The following SYDE1 variants were observed in gnomAD, a reference collection of about 807,000 sequenced individuals.
SYDE1 encodes the protein rho GTPase-activating protein SYDE1.
In SYDE1, 34 loss-of-function variants were observed where a neutral mutation model predicts 63.3. The ratio of observed to expected loss-of-function variants is 0.54; its 90% CI spans 0.41 to 0.71. SYDE1 has a LOEUF of 0.71. Ranked by LOEUF, SYDE1 falls within the 30% of genes least tolerant of loss-of-function variation. The pLI, the probability that SYDE1 is intolerant of heterozygous loss-of-function variation, is 0.00. For synonymous variants in SYDE1, 467 were observed against 473.4 expected (o/e 0.99, Z 0.18); for missense variants, 925 against 1,042.5 (o/e 0.89, Z 1.55).
In SYDE1 at chr19:15,109,804, G is replaced by C; in HGVS notation, c.531G>C (p.Arg177=). The C allele has an allele frequency of 1.3e-6, 2 of 1,535,886 alleles. No individual in the cohort carries two copies. Among genetic ancestry groups the C allele is most frequent in the Non-Finnish European group, 1.7e-6 (2 of 1,145,480 alleles). The change falls in exon 3 of 8, where the codon CGG becomes CGC. Residue 177 remains arginine (R), a synonymous_variant. Transcript: ENST00000342784. This position sits in a 1 kb window ranked among gnomAD's most constrained non-coding sequence, Gnocchi z 5.0. The part of the protein sequence containing the change: ...SIKMKKLPEL[R]RRLSLRGPRA... ...AGATGAAGAAGCTGCCGGAACTGCG[G>C]CGCCGCCTGAGCCTGCGAGGCCCCC... is the stretch of plus-strand genomic sequence containing the variant.
rs2046348222 is a variant in SYDE1, at chr19:15,111,895, C to T, written c.1578+103C>T. On this transcript the variant is annotated intron_variant, in intron 6 of 7. Coordinates refer to ENST00000342784, the MANE Select transcript of SYDE1 (RefSeq NM_033025.6). This position sits in a 1 kb window ranked among gnomAD's most constrained non-coding sequence, Gnocchi z 5.5. The stretch of plus-strand genomic sequence containing the variant: ...TGAGATGGGCATGAGCTGGCAGCAT[C>T]ATCATATCCCCAAGAAATAGGTGCT... The T allele has an allele frequency of 6.0e-6, 7 of 1,166,948 alleles. No homozygotes were observed. The highest frequency in any genetic ancestry group is 5.8e-5 in the Admixed American group (2 of 34,456). The allele number at this position is 1,166,948 out of a possible 1,614,324, so 72.3% of individuals were successfully genotyped here.
rs754239433 is a variant in SYDE1, at chr19:15,109,768, C to T, written c.495C>T (p.Arg165=). 4.5e-6 allele frequency: 7 copies of T among 1,539,100 alleles called. No individual in the cohort carries two copies. Among genetic ancestry groups the T allele is most frequent in the Non-Finnish European group, 5.2e-6 (6 of 1,144,954 alleles). ...CCAAGTCCCCGGGCCCCGCCAGGCGCCTCTCCATAAAGATGAAGAAGCTGC... is the reference window on the plus strand; with the variant it reads ...CCAAGTCCCCGGGCCCCGCCAGGCGTCTCTCCATAAAGATGAAGAAGCTGC... ...SRTKSPGPAR[R]LSIKMKKLPE... The change falls in exon 3 of 8, where the codon CGC becomes CGT. Residue 165 remains arginine, a synonymous_variant. Coordinates refer to ENST00000342784, the MANE Select transcript of SYDE1 (RefSeq NM_033025.6). This position sits in a 1 kb window ranked among gnomAD's most constrained non-coding sequence, Gnocchi z 5.0.
In SYDE1 at chr19:15,110,336, A is replaced by G. The variant is rs1422847418; in HGVS notation, c.1063A>G (p.Thr355Ala). Residue 355 changes from threonine to alanine, a missense_variant, in exon 3 of 8, where the codon ACG (threonine) becomes GCG (alanine). Physicochemically the swap from Thr to Ala is moderately conservative, Grantham distance 58. Around this residue, in one of 3 missense-constraint regions of SYDE1, gnomAD observed 599 missense variants for 653.7 expected, o/e 0.92. Transcript: ENST00000342784. This position sits in a 1 kb window ranked among gnomAD's most constrained non-coding sequence, Gnocchi z 6.9. ...TGCCCAGGGCACCGTGCTGCTGCCCACGGTCTTCCGAGGTAGGACATGCGG... is the reference window on the plus strand; with the variant it reads ...TGCCCAGGGCACCGTGCTGCTGCCCGCGGTCTTCCGAGGTAGGACATGCGG... Reference protein sequence around the residue: ...PCAQGTVLLPTVFRGCQAQQL... With the variant: ...PCAQGTVLLPAVFRGCQAQQL... 1.4e-6 allele frequency: 2 copies of G among 1,430,628 alleles called. No homozygotes were observed. Among genetic ancestry groups the G allele is most frequent in the Admixed American group, 2.9e-5 (1 of 34,912 alleles). 88.6% of individuals were successfully genotyped at this position (1,430,628 alleles called of 1,614,324 possible).
chr19:15,110,805 C>G lies in SYDE1; in HGVS notation c.1290+70C>G, dbSNP rs916091538. 7 of 1,318,418 alleles carry G rather than the reference C, an allele frequency of 5.3e-6. No individual in the cohort carries two copies. The highest frequency in any genetic ancestry group is 1.5e-5 in the African/African-American group (1 of 68,870). 81.7% of individuals were successfully genotyped at this position (1,318,418 alleles called of 1,614,324 possible). ...ACCACTCTTCAGGACACCCTATGTA[C>G]AGATGCCAGACCCCTACCCCCAGGC... On this transcript the variant is annotated intron_variant, in intron 4 of 7. Coordinates refer to ENST00000342784, the MANE Select transcript of SYDE1 (RefSeq NM_033025.6). This position sits in a 1 kb window ranked among gnomAD's most constrained non-coding sequence, Gnocchi z 6.9.
Position 15,109,169 on chromosome 19 carries a change from G to C in SYDE1, c.202G>C (p.Ala68Pro), listed in dbSNP as rs549245369. 100 of 1,554,526 alleles carry C rather than the reference G, an allele frequency of 6.4e-5. 4 individuals are homozygous for C. The South Asian group carries it at 1.1e-3, about 16-fold the overall frequency. Residue 68 changes from alanine to proline, a missense_variant, in exon 2 of 8, where the codon GCA becomes CCA. By Grantham distance (27) the Ala-to-Pro change is conservative. Transcript: ENST00000342784. The surrounding 1 kb of genome is among the most constrained non-coding windows in gnomAD (Gnocchi z 5.0). ...PSSPEASRSP[A>P]RGAYLQSLEP... ...CAGCCCCGAGGCATCAAGGAGCCCT[G>C]CACGGGGAGCCTACCTGCAAAGCCT...
Position 15,112,467 on chromosome 19 carries a change from C to T in SYDE1, c.1700C>T (p.Ala567Val), listed in dbSNP as rs1407268871. 7.5e-6 allele frequency: 12 copies of T among 1,605,914 alleles called. No homozygotes were observed. The highest frequency in any genetic ancestry group is 2.2e-5 in the East Asian group (1 of 44,596). Residue 567 changes from alanine to valine, a missense_variant, in exon 7 of 8, where the codon GCG (alanine) becomes GTG (valine). Physicochemically the swap from Ala to Val is moderately conservative, Grantham distance 64 (BLOSUM62 0). This residue lies in a region of SYDE1 where 255 missense variants were observed against 255.9 expected (regional missense o/e 1.00). Coordinates refer to ENST00000342784, the MANE Select transcript of SYDE1 (RefSeq NM_033025.6). ...CCTGTGCTGCTGCCGGCACGCCAGGCGCCCACAAGGCCTCGTGCCCGCAGC... is the reference window on the plus strand; with the variant it reads ...CCTGTGCTGCTGCCGGCACGCCAGGTGCCCACAAGGCCTCGTGCCCGCAGC... The part of the protein sequence containing the change: ...FGPVLLPARQ[A>V]PTRPRARSSG...
intron 7 of SYDE1, among the ~76,000 whole-genome samples, chr19:15,112,850 C>A (rs1413797581): frequency 6.6e-6 from 1 of 152,208 alleles, no homozygotes; most frequent in Non-Finnish European, 1.5e-5. Flanking sequence ...TCCCAAAGTA[C>A]TGGGATTATA....
At position 15,110,057 on chromosome 19, in the gene SYDE1, G is replaced by T. The variant is rs1235971577; in HGVS notation, c.784G>T (p.Ala262Ser). ...GGGTCCCGCAGCCCGGGCACCCCCG[G>T]CCGCACTCTGGGGCCGCCTCAGCCT... ...EVGPAARAPP[A>S]ALWGRLSLHL... Residue 262 changes from alanine (A) to serine (S), a missense_variant, in exon 3 of 8, where the codon GCC (alanine) becomes TCC (serine). Physicochemically the swap from Ala to Ser is moderately conservative, Grantham distance 99. This residue lies in a region of SYDE1 where 599 missense variants were observed against 653.7 expected (regional missense o/e 0.92). Coordinates refer to ENST00000342784, the MANE Select transcript of SYDE1 (RefSeq NM_033025.6). The surrounding 1 kb of genome is among the most constrained non-coding windows in gnomAD (Gnocchi z 6.9). The T allele has an allele frequency of 2.0e-5, 30 of 1,498,212 alleles. No homozygotes were observed. The highest frequency in any genetic ancestry group is 2.4e-5 in the Non-Finnish European group (27 of 1,131,642). The allele number at this position is 1,498,212 out of a possible 1,614,324, so 92.8% of individuals were successfully genotyped here.
At chr19:15,113,449 T>C in intron 7 of SYDE1, 111 bp from the exon 8 acceptor site, 9 of 1,315,372 alleles carry the variant, frequency 6.8e-6, no homozygotes, top group Non-Finnish European at 9.3e-6. Context: ...AGTGAAAACC[T>C]GAAAGGGTCG....
Position 15,111,509 on chromosome 19 carries a change from C to T in SYDE1, c.1417+70C>T, listed in dbSNP as rs2046345760. 6.2e-7 allele frequency: 1 copy of T among 1,601,110 alleles called. No homozygotes were observed. The highest frequency in any genetic ancestry group is 1.3e-5 in the African/African-American group (1 of 74,816). The stretch of plus-strand genomic sequence containing the variant: ...GCCTCACTTCAAGGCCTTGGGGCTC[C>T]TCTGGGACCTCAGTCCTCCTATCTG... On this transcript the variant is annotated intron_variant, in intron 5 of 7. Coordinates refer to ENST00000342784, the MANE Select transcript of SYDE1 (RefSeq NM_033025.6). This position sits in a 1 kb window ranked among gnomAD's most constrained non-coding sequence, Gnocchi z 5.5.
intron 6 of SYDE1, among the ~76,000 whole-genome samples, chr19:15,112,121 T>C (rs918483046): frequency 2.0e-5 from 3 of 152,216 alleles, no homozygotes; most frequent in Non-Finnish European, 2.9e-5. Context: ...ATGAGATTCA[T>C]GGCAGCTCTG....
intron 7 of SYDE1, among the ~76,000 whole-genome samples, chr19:15,113,214 A>G (rs2046356882): frequency 6.7e-6 from 1 of 148,846 alleles, no homozygotes; most frequent in South Asian, 2.1e-4. Context: ...TAATTTTTGT[A>G]TTTTTAGTGG....
rs1187098472 is a variant in SYDE1, at chr19:15,112,254, T to C, written c.1579-92T>C. Reference sequence around the variant, plus strand: ...CATCCCAGCTATGAGACTGTGAACCTGCTTCCCTACTCTAGCCACCTTAGT... The same window carrying C: ...CATCCCAGCTATGAGACTGTGAACCCGCTTCCCTACTCTAGCCACCTTAGT... On this transcript the variant is annotated intron_variant, in intron 6 of 7. Transcript: ENST00000342784. 1.4e-5 allele frequency: 11 copies of C among 785,998 alleles called. No homozygotes were observed. The Admixed American group carries it at 2.0e-4, about 14-fold the overall frequency. The allele number at this position is 785,998 out of a possible 1,614,324, so 48.7% of individuals were successfully genotyped here. A position where few individuals can be genotyped will look rare whatever the true frequency, so the allele number is the denominator to read the frequency against.
Position 15,111,426 on chromosome 19 carries a change from C to T in SYDE1, c.1404C>T (p.Ile468=). The change falls in exon 5 of 8, where the codon ATC becomes ATT. Residue 468 remains isoleucine, a synonymous_variant. Coordinates refer to ENST00000342784, the MANE Select transcript of SYDE1 (RefSeq NM_033025.6). This position sits in a 1 kb window ranked among gnomAD's most constrained non-coding sequence, Gnocchi z 5.5. ...TATCTGAGGACCTGTACCCCGATAT[C>T]AATGTCATCACTGGTCAGCATGGCC... ...VCLSEDLYPD[I]NVITGILKDY... is the part of the protein sequence containing the mutation. The T allele has an allele frequency of 1.2e-6, 2 of 1,614,074 alleles. No individual in the cohort carries two copies. The highest frequency in any genetic ancestry group is 1.1e-5 in the South Asian group (1 of 91,080).
At position 15,114,297 on chromosome 19, in the gene SYDE1, G is replaced by A; in HGVS notation, c.*334G>A. On this transcript the variant is annotated 3_prime_UTR_variant, in exon 8 of 8. Transcript: ENST00000342784. ...GCCTCTCTTGCCTCCCCTTGGCCGG[G>A]GCAACACCAGTTACTGTGAGCATCA... is the stretch of plus-strand genomic sequence containing the variant. 3.1e-6 allele frequency: 1 copy of A among 320,638 alleles called. No homozygotes were observed. The highest frequency in any genetic ancestry group is 5.8e-6 in the Non-Finnish European group (1 of 171,532). The allele number at this position is 320,638 out of a possible 1,614,324, so 19.9% of individuals were successfully genotyped here.
chr19:15,108,528 G>A lies in SYDE1; in HGVS notation c.89-528G>A, dbSNP rs1001474827. On this transcript the variant is annotated intron_variant, in intron 1 of 7. Coordinates refer to ENST00000342784, the MANE Select transcript of SYDE1 (RefSeq NM_033025.6). The surrounding 1 kb of genome is among the most constrained non-coding windows in gnomAD (Gnocchi z 4.3). ...GGAGGGTAAAAGGGGCAGGGGACTG[G>A]GAGTGACTGTGCTGCAGGGAATAGA... Among the ~76,000 whole-genome samples, 2 of 152,158 alleles carry A rather than the reference G, an allele frequency of 1.3e-5. No homozygotes were observed. The highest frequency in any genetic ancestry group is 4.8e-5 in the African/African-American group (2 of 41,402).
At chr19:15,113,528 C>T (rs2046359601) in intron 7 of SYDE1, 32 bp from the exon 8 acceptor site, 4 of 1,508,128 alleles carry the variant, frequency 2.7e-6, no homozygotes, top group South Asian at 1.3e-5. Context: ...CGGCTGTCGC[C>T]TCTTTCTATG....
chr19:15,110,436 G>C lies in SYDE1; in HGVS notation c.1076-85G>C. ...CAGAGTGCCTAGGGGGCTGGGCTCC[G>C]GGCGGAAGGTGTGGCCTGGAGCAGC... On this transcript the variant is annotated intron_variant, in intron 3 of 7. Coordinates refer to ENST00000342784, the MANE Select transcript of SYDE1 (RefSeq NM_033025.6). This position sits in a 1 kb window ranked among gnomAD's most constrained non-coding sequence, Gnocchi z 6.9. 6.7e-7 allele frequency: 1 copy of C among 1,482,568 alleles called. No homozygotes were observed. 91.8% of individuals were successfully genotyped at this position (1,482,568 alleles called of 1,614,324 possible).
chr19:15,113,952 G>C lies in SYDE1; in HGVS notation c.2197G>C (p.Val733Leu). The change falls in exon 8 of 8, where the codon GTG (valine) becomes CTG (leucine). Residue 733 changes from valine to leucine, a missense_variant. This residue lies in a region of SYDE1 where 255 missense variants were observed against 255.9 expected (regional missense o/e 1.00). Transcript: ENST00000342784. Reference sequence around the variant, plus strand: ...GAGAGAGCTCTCCAAGCAAATCAACGTGTGCCTCTGAGCCAGATGACGGGG... The same window carrying C: ...GAGAGAGCTCTCCAAGCAAATCAACCTGTGCCTCTGAGCCAGATGACGGGG... ...LERELSKQIN[V>L]CL The C allele has an allele frequency of 6.2e-7, 1 of 1,611,850 alleles. No homozygotes were observed.
Sources: allele counts gnomAD v4.1 joint callset (sites outside exome capture counted in the v4.1 genomes callset), GRCh38; gene constraint gnomAD v4.1.1; regional missense constraint gnomAD v4.1.1; non-coding constraint Gnocchi (gnomAD v3.1); transcripts MANE v1.5; gene names NCBI Gene and HGNC (gene_info 2026-07-23, HGNC 2026-07-21).